C9orf78: variants seen among roughly 807,000 people sequenced by gnomAD.
The protein encoded by C9orf78 is chromosome 9 open reading frame 78, also known as splicing factor C9orf78.
A neutral mutation model predicts 37.4 loss-of-function variants in C9orf78; 19 were observed. That is an observed-to-expected ratio of 0.51 (90% CI 0.35 to 0.74). The LOEUF (loss-of-function observed/expected upper bound fraction) is 0.74, where lower values mean the gene tolerates loss of function less well. Among genes scored for constraint, C9orf78 ranks in the 30% least tolerant of loss-of-function variants. The probability of loss-of-function intolerance (pLI) is 0.01; values close to 1 mark genes in which losing one functional copy is unlikely to be tolerated. For synonymous variants in C9orf78, 130 were observed against 128.0 expected (o/e 1.02, Z -0.10); for missense variants, 291 against 370.8 (o/e 0.78, Z 1.77).
chr9:129,831,768 G>A (rs2031503347), intron 5 of C9orf78, 128 bp downstream of exon 5: 1 of 715,920 alleles, frequency 1.4e-6, no homozygotes, highest in Non-Finnish European at 2.6e-6. Context: ...AAGCTGGGAA[G>A]TAGAAAGAGA....
chr9:129,829,577 G>A (rs779905557), intron 6 of C9orf78, 36 bp from the exon 7 acceptor site: 6 of 1,597,430 alleles, frequency 3.8e-6, no homozygotes, highest in Non-Finnish European at 5.1e-6. Flanking sequence ...CTTAGAAGAT[G>A]ATAGCACCTT....
Position 129,828,232 on chromosome 9 carries a change from G to A in C9orf78, c.799C>T (p.Arg267Cys), listed in dbSNP as rs1193030598. Residue 267 changes from arginine to cysteine, a missense_variant, in exon 9 of 9, where the codon CGT (arginine) becomes TGT (cysteine). Coordinates refer to ENST00000372447, the MANE Select transcript of C9orf78 (RefSeq NM_016520.3). Reference sequence around the variant, plus strand: ...TCAGTTGCCTTCTCGTTAGCAGGACGCTTGCGGTTAGGAGGGGACCCTGAG... The same window carrying A: ...TCAGTTGCCTTCTCGTTAGCAGGACACTTGCGGTTAGGAGGGGACCCTGAG... ...EPERSPPNRK[R>C]PANEKATDDY... 6.2e-7 allele frequency: 1 copy of A among 1,604,296 alleles called. No homozygotes were observed. Among genetic ancestry groups the A allele is most frequent in the Non-Finnish European group, 8.5e-7 (1 of 1,172,300 alleles).
intron 1 of C9orf78, 64 bp downstream of exon 1, chr9:129,835,075 G>A (rs2031679620): frequency 3.2e-6 from 4 of 1,250,062 alleles, no homozygotes; most frequent in Middle Eastern, 1.9e-4. Context: ...GCGCCGAGCC[G>A]GTGGTGAGTC....
At position 129,828,314 on chromosome 9, in the gene C9orf78, T is replaced by G. The variant is rs75021317; in HGVS notation, c.779-62A>C. 7 of 983,434 alleles carry G rather than the reference T, an allele frequency of 7.1e-6. No homozygotes were observed. In the East Asian group the frequency reaches 1.7e-4, roughly 24 times the overall value. 60.9% of individuals were successfully genotyped at this position (983,434 alleles called of 1,614,324 possible). A position where few individuals can be genotyped will look rare whatever the true frequency, so the allele number is the denominator to read the frequency against. ...GCTGGAACCCACTGCTAGACTTTAC[T>G]CCATGCAGGCAAAGACAACTGCCTG... is the stretch of plus-strand genomic sequence containing the variant. On this transcript the variant is annotated intron_variant, in intron 8 of 8. Coordinates refer to ENST00000372447, the MANE Select transcript of C9orf78 (RefSeq NM_016520.3).
rs926594207 is a variant in C9orf78 at position 129,827,345 on chromosome 9, CTTT to C, written c.*813_*815del. The C allele has an allele frequency of 1.1e-4, 17 of 150,830 alleles. No homozygotes were observed. The highest frequency in any genetic ancestry group is 4.1e-4 in the African/African-American group (17 of 40,988). 9.3% of individuals were successfully genotyped at this position (150,830 alleles called of 1,614,324 possible). A position where few individuals can be genotyped will look rare whatever the true frequency, so the allele number is the denominator to read the frequency against. On this transcript the variant is annotated 3_prime_UTR_variant, in exon 9 of 9. Coordinates refer to ENST00000372447, the MANE Select transcript of C9orf78 (RefSeq NM_016520.3). ...ATAGTAATAAGAAACATAGTTTATG[CTTT>C]TTTTTTAATGAAAACAAACAAGTAA... is the stretch of plus-strand genomic sequence containing the variant.
At chr9:129,829,605 G>A in intron 6 of C9orf78, 64 bp from the exon 7 acceptor site, 4 of 1,446,060 alleles carry the variant, frequency 2.8e-6, no homozygotes, top group South Asian at 1.2e-5. Flanking sequence ...AGACATGAGT[G>A]GTGAGGCTGG....
intron 8 of C9orf78, chr9:129,828,464 C>T: frequency 5.1e-6 from 2 of 395,442 alleles, no homozygotes; most frequent in Non-Finnish European, 4.8e-6. Context: ...CACCCTGTTG[C>T]CCAGGCTAGA....
rs750944606 is a variant in C9orf78 at position 129,829,274 on chromosome 9, G to A, written c.709C>T (p.Arg237Trp). 3.7e-6 allele frequency: 6 copies of A among 1,610,970 alleles called. No individual in the cohort carries two copies. Among genetic ancestry groups the A allele is most frequent in the East Asian group, 2.2e-5 (1 of 44,854 alleles). ...FYHEELNAPI[R>W]RNKEEPKARP... ...GCCTTGGGCTCTTCTTTGTTTCTCC[G>A]TATGGGCGCGTTGAGCTCCTCATGA... The change falls in exon 8 of 9, where the codon CGG becomes TGG. Residue 237 changes from arginine (R) to tryptophan (W), a missense_variant. Around this residue, in one of 3 missense-constraint regions of C9orf78, gnomAD observed 120 missense variants for 148.7 expected, o/e 0.81. Coordinates refer to ENST00000372447, the MANE Select transcript of C9orf78 (RefSeq NM_016520.3).
intron 1 of C9orf78, 128 bp from the exon 2 acceptor site, chr9:129,834,894 C>T (rs1175849983): frequency 1.3e-6 from 1 of 775,592 alleles, no homozygotes; most frequent in Non-Finnish European, 2.2e-6. Context: ...GCACAGTGGT[C>T]CAGAGGACGA....
Position 129,828,243 on chromosome 9 carries a change from G to T in C9orf78, c.788C>A (p.Pro263His). ...TEKPEPERSP[P>H]NRKRPANEKA... is the part of the protein sequence containing the mutation. ...CTCGTTAGCAGGACGCTTGCGGTTA[G>T]GAGGGGACCCTGAGAAGGAAAAGAA... is the stretch of plus-strand genomic sequence containing the variant. The change falls in exon 9 of 9, where the codon CCT becomes CAT. Residue 263 changes from proline to histidine, a missense_variant. By Grantham distance (77) the Pro-to-His change is moderately conservative. Coordinates refer to ENST00000372447, the MANE Select transcript of C9orf78 (RefSeq NM_016520.3). 6.3e-7 allele frequency: 1 copy of T among 1,597,386 alleles called. No individual in the cohort carries two copies. The highest frequency in any genetic ancestry group is 8.6e-7 in the Non-Finnish European group (1 of 1,166,070).
intron 6 of C9orf78, 54 bp from the exon 7 acceptor site, chr9:129,829,595 A>AT: frequency 1.3e-6 from 2 of 1,544,886 alleles, no homozygotes; most frequent in Non-Finnish European, 1.8e-6. Context: ...CTTACTACTC[A>AT]GACATGAGTG....
chr9:129,833,133 C>T (rs1331527727), intron 4 of C9orf78, among the ~76,000 whole-genome samples: 1 of 142,640 alleles, frequency 7.0e-6, no homozygotes, highest in African/African-American at 2.6e-5. Flanking sequence ...ACAGGGGTCT[C>T]ACTATGTTGC....
intron 1 of C9orf78, 67 bp from the exon 2 acceptor site, chr9:129,834,833 G>A (rs1007047579): frequency 3.2e-6 from 4 of 1,267,382 alleles, no homozygotes; most frequent in East Asian, 2.3e-5. Flanking sequence ...AAAGCTAACA[G>A]AGCCAATAAG....
intron 4 of C9orf78, among the ~76,000 whole-genome samples, chr9:129,833,115 T>C (rs1185305551): frequency 6.6e-6 from 1 of 151,006 alleles, no homozygotes; most frequent in Non-Finnish European, 1.5e-5. Context: ...TTTTTTTTTT[T>C]TGTAGAGACA....
chr9:129,834,783 AAGC>A lies in C9orf78; in HGVS notation c.84-20_84-18del. 6.3e-7 allele frequency: 1 copy of A among 1,586,410 alleles called. No homozygotes were observed. The highest frequency in any genetic ancestry group is 8.6e-7 in the Non-Finnish European group (1 of 1,156,522). On this transcript the variant is annotated intron_variant, in intron 1 of 8. Transcript: ENST00000372447. ...AGTTTTAATCTTTAAAAAGAAGAAG[AAGC>A]AGCAATGCATAAGCTGAGTGATTCC...
At position 129,828,160 on chromosome 9, in the gene C9orf78, C is replaced by G. The variant is rs773566816; in HGVS notation, c.*1G>C. On this transcript the variant is annotated 3_prime_UTR_variant, in exon 9 of 9. Coordinates refer to ENST00000372447, the MANE Select transcript of C9orf78 (RefSeq NM_016520.3). ...GATATTTACATCCCACTCTGCACAA[C>G]TCAGTACCGCCTATTCATTTTCTTG... is the stretch of plus-strand genomic sequence containing the variant. 1.3e-5 allele frequency: 20 copies of G among 1,544,788 alleles called. No individual in the cohort carries two copies. The highest frequency in any genetic ancestry group is 1.7e-5 in the Non-Finnish European group (19 of 1,118,458).
chr9:129,830,745 C>T (rs2031472324), intron 6 of C9orf78, 126 bp downstream of exon 6: 1 of 694,310 alleles, frequency 1.4e-6, no homozygotes, highest in Non-Finnish European at 2.6e-6. Flanking sequence ...CTCCTGACCT[C>T]GTGATCCACC....
At chr9:129,831,421 G>A in intron 5 of C9orf78, 2 of 279,382 alleles carry the variant, frequency 7.2e-6, no homozygotes, top group Middle Eastern at 1.2e-3. Context: ...TTGAAAACAA[G>A]TTTTTATTTT....
In C9orf78 at chr9:129,831,034, T is replaced by C; in HGVS notation, c.379A>G (p.Lys127Glu). 1.2e-6 allele frequency: 2 copies of C among 1,613,762 alleles called. No individual in the cohort carries two copies. Among genetic ancestry groups the C allele is most frequent in the Non-Finnish European group, 1.7e-6 (2 of 1,179,692 alleles). Residue 127 changes from lysine (K) to glutamate (E), a missense_variant, in exon 6 of 9, where the codon AAA (lysine) becomes GAA (glutamate). By Grantham distance (56) the Lys-to-Glu change is moderately conservative. This residue lies in a region of C9orf78 where 158 missense variants were observed against 174.8 expected (regional missense o/e 0.90). Coordinates refer to ENST00000372447, the MANE Select transcript of C9orf78 (RefSeq NM_016520.3). ...KYIETELKKR[K>E]GIVEHEEQKV... ...TGTTCCTCATGTTCCACGATCCCTT[T>C]CCTCTTCTTTAGCTCTGTCTCAATG...
Sources: gnomAD v4.1 joint callset for allele counts (sites outside exome capture counted in the v4.1 genomes callset) on GRCh38, gnomAD v4.1.1 for gene constraint, gnomAD v4.1.1 regional missense constraint, MANE v1.5 for transcripts, NCBI Gene and HGNC (gene_info 2026-07-23, HGNC 2026-07-21) for gene names.